BCORL1: variants seen among roughly 807,000 people sequenced by gnomAD.
The protein encoded by BCORL1 is BCL-6 corepressor-like protein 1.
A neutral mutation model predicts 87.6 loss-of-function variants in BCORL1; 7 were observed. The ratio of observed to expected loss-of-function variants is 0.08; its 90% confidence interval spans 0.05 to 0.15. BCORL1 has a LOEUF of 0.15. Ranked by LOEUF, BCORL1 falls within the 10% of genes least tolerant of loss-of-function variation. The pLI, the probability that BCORL1 is intolerant of heterozygous loss-of-function variation, is 1.00. For missense variants in BCORL1, 1,215 were observed against 1,499.7 expected (o/e 0.81, Z 3.13); for synonymous variants, 591 against 634.4 (o/e 0.93, Z 1.03).
At chrX:130,019,504 G>C (rs1354829247) in intron 4 of BCORL1, among the ~76,000 whole-genome samples, 1 of 112,131 alleles carries the variant, frequency 8.9e-6, no homozygotes, top group African/African-American at 3.2e-5. Flanking sequence ...CTAACACTTT[G>C]GTTTGTAGGA....
chrX:130,027,942 T>C (rs777249577), intron 7 of BCORL1, among the ~76,000 whole-genome samples: 24 of 112,137 alleles, frequency 2.1e-4, no homozygotes, highest in African/African-American at 7.4e-4. Flanking sequence ...GCAGGCCTTT[T>C]TGAAATTAGA....
intron 8 of BCORL1, among the ~76,000 whole-genome samples, chrX:130,033,625 G>A (rs1930758125): frequency 2.7e-5 from 3 of 112,054 alleles, no homozygotes; most frequent in South Asian, 3.7e-4. Context: ...GGAACATTCT[G>A]TGAGGACTGG....
intron 11 of BCORL1, among the ~76,000 whole-genome samples, chrX:130,050,378 C>T (rs1271655375): frequency 2.7e-5 from 3 of 110,252 alleles, no homozygotes; most frequent in Admixed American, 9.7e-5. Context: ...TTCAAGGTGC[C>T]GTGAGCTATG....
upstream of BCORL1, among the ~76,000 whole-genome samples, chrX:129,982,386 C>T (rs1213741931): frequency 8.9e-6 from 1 of 111,755 alleles, no homozygotes; most frequent in Non-Finnish European, 1.9e-5. Context: ...CTTGGCTCTG[C>T]CCCCTTCGCC....
chrX:130,051,691 G>GT (rs753198509), intron 12 of BCORL1, among the ~76,000 whole-genome samples, 169 bp from the exon 13 acceptor site: 10 of 112,426 alleles, frequency 8.9e-5, no homozygotes, highest in Non-Finnish European at 1.9e-4. Context: ...CCCTCTGAAG[G>GT]ATGTGAGCCA....
chrX:130,036,793 C>T (rs900690662), intron 9 of BCORL1, among the ~76,000 whole-genome samples: 2 of 111,831 alleles, frequency 1.8e-5, no homozygotes, highest in African/African-American at 6.5e-5. Context: ...GGCAGGTCAG[C>T]CTCTCTGAGG....
chrX:130,013,642 C>G lies in BCORL1; in HGVS notation c.870C>G (p.Pro290=). ...SVLVPVPASA[P]PSGPVPLSAP... ...TGGTGCCTGTGCCAGCTTCTGCTCC[C>G]CCTTCAGGCCCGGTTCCCTTGTCGG... The change falls in exon 4 of 14, where the codon CCC becomes CCG. Residue 290 remains proline, a synonymous_variant. Coordinates refer to ENST00000540052, the MANE Select transcript of BCORL1 (RefSeq NM_001379451.1). The G allele has an allele frequency of 1.7e-6, 2 of 1,211,388 alleles. No homozygotes were observed. Among genetic ancestry groups the G allele is most frequent in the Non-Finnish European group, 2.2e-6 (2 of 895,508 alleles).
chrX:129,980,711 G>C (rs1926039106), upstream of BCORL1, among the ~76,000 whole-genome samples: 1 of 108,358 alleles, frequency 9.2e-6, no homozygotes, highest in African/African-American at 3.4e-5. Flanking sequence ...GCCGAACCCC[G>C]ACCGGGCCGA....
chrX:130,000,852 G>A (rs896094161), intron 1 of BCORL1, among the ~76,000 whole-genome samples: 2 of 109,958 alleles, frequency 1.8e-5, no homozygotes, highest in Non-Finnish European at 1.9e-5. Flanking sequence ...TTTTTTCATT[G>A]GAGTACAAAG....
intron 1 of BCORL1, among the ~76,000 whole-genome samples, chrX:129,990,209 A>G (rs1362787015): frequency 1.8e-5 from 2 of 111,293 alleles, no homozygotes; most frequent in Non-Finnish European, 3.8e-5. Context: ...AATAAATGGG[A>G]CCTATTATTT....
intron 9 of BCORL1, among the ~76,000 whole-genome samples, chrX:130,035,518 G>A (rs1219295786): frequency 9.0e-6 from 1 of 111,657 alleles, no homozygotes; most frequent in Admixed American, 9.5e-5. Flanking sequence ...TACAGAGTGT[G>A]CCTTTGGTTT....
chrX:129,984,832 T>A (rs751593983), intron 1 of BCORL1, among the ~76,000 whole-genome samples: 24 of 111,750 alleles, frequency 2.1e-4, no homozygotes, highest in Non-Finnish European at 3.8e-4. Flanking sequence ...ACTATGTTTT[T>A]GTTTTATTGT....
At chrX:130,028,901 G>T in intron 8 of BCORL1, 40 bp downstream of exon 8, 1 of 636,771 alleles carries the variant, frequency 1.6e-6, no homozygotes, top group South Asian at 2.6e-5. Context: ...GGTGTGTGTG[G>T]CGGGGGGTCA....
intron 1 of BCORL1, among the ~76,000 whole-genome samples, chrX:129,984,131 G>C (rs1376945727): frequency 3.7e-5 from 1 of 27,117 alleles, no homozygotes; most frequent in Non-Finnish European, 6.6e-5. Flanking sequence ...GTGGGGCTCC[G>C]GCGGGCGGCG....
chrX:130,012,153 A>G (rs1199511764), intron 2 of BCORL1, among the ~76,000 whole-genome samples: 1 of 111,857 alleles, frequency 8.9e-6, no homozygotes, highest in Non-Finnish European at 1.9e-5. Context: ...TTAAAATAAG[A>G]TTGTATTTAA....
At chrX:130,035,656 T>C (rs1225502407) in intron 9 of BCORL1, among the ~76,000 whole-genome samples, 1 of 112,145 alleles carries the variant, frequency 8.9e-6, no homozygotes, top group African/African-American at 3.2e-5. Context: ...GAGCACCTAG[T>C]GTGCGTGCCT....
intron 8 of BCORL1, 74 bp downstream of exon 8, chrX:130,028,935 G>GGGGGGGGGA: frequency 3.8e-6 from 1 of 261,990 alleles, no homozygotes. Context: ...GGGGGTGGGG[G>GGGGGGGGGA]ATGGGGAGGA....
At chrX:130,047,480 C>T (rs1055184164) in intron 11 of BCORL1, among the ~76,000 whole-genome samples, 2 of 112,120 alleles carry the variant, frequency 1.8e-5, no homozygotes, top group Non-Finnish European at 3.8e-5. Context: ...TTTGCTCACG[C>T]CAGTTAACTT....
chrX:129,990,847 C>T (rs1484758033), intron 1 of BCORL1, among the ~76,000 whole-genome samples: 3 of 111,571 alleles, frequency 2.7e-5, no homozygotes, highest in Non-Finnish European at 5.6e-5. Flanking sequence ...CTCTAGGGAA[C>T]ATTTCGGGCC....
Sources: allele counts gnomAD v4.1 joint callset (sites outside exome capture counted in the v4.1 genomes callset), GRCh38; gene constraint gnomAD v4.1.1; transcripts MANE v1.5; gene names NCBI Gene and HGNC (gene_info 2026-07-23, HGNC 2026-07-21).